The following RGPD5 variants were observed in gnomAD, a reference collection of about 807,000 sequenced individuals.
RGPD5 encodes the protein RANBP2-like and GRIP domain-containing protein 5/6.
At chr2:109,761,322 T>G in the RGPD5 span, among the ~76,000 whole-genome samples, 668 of 136,468 alleles carry the variant, frequency 4.9e-3, no homozygotes, top group Middle Eastern at 0.044. Flanking sequence ...GGGAAACGAG[T>G]GTTTCTCCGT....
the RGPD5 span, among the ~76,000 whole-genome samples, chr2:109,765,749 G>A: frequency 6.6e-6 from 1 of 151,084 alleles, no homozygotes; most frequent in South Asian, 2.1e-4. Flanking sequence ...AGAGGCACTA[G>A]CAGTTTAGTC....
chr2:109,766,839 G>A, the RGPD5 span, among the ~76,000 whole-genome samples: 8 of 150,238 alleles, frequency 5.3e-5, no homozygotes, highest in African/African-American at 1.7e-4. Context: ...TGGCAAAATC[G>A]AGGCCCCGTA....
chr2:109,772,486 CAA>C, the RGPD5 span, among the ~76,000 whole-genome samples: 1 of 85,096 alleles, frequency 1.2e-5, no homozygotes, highest in Non-Finnish European at 2.3e-5. Flanking sequence ...TAAGGAAAGG[CAA>C]AGAGGTGAAA....
the RGPD5 span, among the ~76,000 whole-genome samples, chr2:109,763,725 C>G: frequency 6.7e-6 from 1 of 150,278 alleles, no homozygotes; most frequent in Non-Finnish European, 1.5e-5. Flanking sequence ...CATAGAAAAA[C>G]TTTTTTGAAG....
chr2:109,762,988 TTTTAAG>T, the RGPD5 span, among the ~76,000 whole-genome samples: 1 of 146,266 alleles, frequency 6.8e-6, no homozygotes, highest in Non-Finnish European at 1.5e-5. Context: ...TTACGTAAAT[TTTTAAG>T]TTTATGGTTA....
chr2:109,762,992 A>G, the RGPD5 span, among the ~76,000 whole-genome samples: 58 of 146,510 alleles, frequency 4.0e-4, 6 homozygotes, highest in South Asian at 0.013. Flanking sequence ...GTAAATTTTT[A>G]AGTTTATGGT....
the RGPD5 span, among the ~76,000 whole-genome samples, chr2:109,761,887 A>C: frequency 6.9e-3 from 1,048 of 151,734 alleles, 13 homozygotes; most frequent in Non-Finnish European, 9.4e-3. Flanking sequence ...ATGTGTCTAA[A>C]ACTGCATGTG....
At chr2:109,777,291 T>C in the RGPD5 span, among the ~76,000 whole-genome samples, 2 of 148,890 alleles carry the variant, frequency 1.3e-5, no homozygotes, top group African/African-American at 5.0e-5. Context: ...TCTACATGTA[T>C]TGAGATGGTC....
the RGPD5 span, among the ~76,000 whole-genome samples, chr2:109,760,748 G>A: frequency 6.9e-6 from 1 of 144,568 alleles, no homozygotes; most frequent in South Asian, 2.2e-4. Context: ...CCCTGCTCCA[G>A]GAATGGGACC....
the RGPD5 span, among the ~76,000 whole-genome samples, chr2:109,761,335 C>G: frequency 1.3e-5 from 2 of 151,230 alleles, no homozygotes; most frequent in Admixed American, 6.6e-5. Context: ...TTCTCCGTGC[C>G]GGTATTCCAG....
the RGPD5 span, among the ~76,000 whole-genome samples, chr2:109,769,690 A>C: frequency 1.2e-5 from 1 of 80,558 alleles, no homozygotes; most frequent in Admixed American, 1.4e-4. Context: ...TGGTGGATGA[A>C]GTTCTTGCAA....
At position 109,794,583 on chromosome 2, in the gene RGPD5, G is replaced by GGGGGGA. The variant is rs1676852605; in HGVS notation, c.72+49_72+50insGGAGGG. 8.3e-6 allele frequency: 8 copies of GGGGGGA among 963,566 alleles called. 1 individual carries two copies. The highest frequency in any genetic ancestry group is 1.8e-5 in the African/African-American group (1 of 54,248). The allele number at this position is 963,566 out of a possible 1,614,324, so 59.7% of individuals were successfully genotyped here. On this transcript the variant is annotated intron_variant, in intron 1 of 22. Coordinates refer to ENST00000016946, the MANE Select transcript of RGPD5 (RefSeq NM_005054.3). ...GCGACGGCGGCCTCGACCCGGCCGG[G>GGGGGGA]GGGCGGCGGCGGCGGCGGCGGCGGC... is the stretch of plus-strand genomic sequence containing the variant.
the RGPD5 span, among the ~76,000 whole-genome samples, chr2:109,767,214 A>C: frequency 6.9e-6 from 1 of 144,364 alleles, no homozygotes; most frequent in South Asian, 2.4e-4. Context: ...AACAAGGAAG[A>C]ATACAGAAAG....
the RGPD5 span, among the ~76,000 whole-genome samples, chr2:109,775,079 G>A: frequency 4.2e-5 from 1 of 23,846 alleles, no homozygotes; most frequent in African/African-American, 1.3e-4. Flanking sequence ...TCTGTACAAA[G>A]TCAGACCATC....
At chr2:109,777,269 G>C in the RGPD5 span, among the ~76,000 whole-genome samples, 1 of 148,518 alleles carries the variant, frequency 6.7e-6, no homozygotes. Context: ...TGTGATTTTT[G>C]TCAAAGGCTT....
At chr2:109,765,841 G>A in the RGPD5 span, among the ~76,000 whole-genome samples, 5 of 150,834 alleles carry the variant, frequency 3.3e-5, no homozygotes, top group Non-Finnish European at 7.4e-5. Context: ...GCGCAGGCCA[G>A]TGGGCGGCTT....
the RGPD5 span, among the ~76,000 whole-genome samples, chr2:109,763,496 A>G: frequency 1.3e-5 from 2 of 150,454 alleles, 1 homozygote; most frequent in Admixed American, 1.4e-4. Context: ...CTCTCAGCTT[A>G]TAAGGACAGC....
At chr2:109,765,437 C>G in the RGPD5 span, among the ~76,000 whole-genome samples, 1,513 of 150,326 alleles carry the variant, frequency 0.01, 91 homozygotes, top group African/African-American at 0.034. Context: ...TTTAGGAAAC[C>G]CTGCTGTACA....
At chr2:109,767,157 T>C in the RGPD5 span, among the ~76,000 whole-genome samples, 1 of 140,770 alleles carries the variant, frequency 7.1e-6, no homozygotes, top group Admixed American at 7.7e-5. Flanking sequence ...ATGCCAAATG[T>C]AGCTCTTCTA....
Sources: allele counts gnomAD v4.1 joint callset (sites outside exome capture counted in the v4.1 genomes callset), GRCh38; gene constraint gnomAD v4.1.1; transcripts MANE v1.5; gene names NCBI Gene and HGNC (gene_info 2026-07-23, HGNC 2026-07-21).